ATP10B: variants seen among roughly 807,000 people sequenced by gnomAD.
ATP10B encodes ATPase phospholipid transporting 10B (putative).
Under a neutral mutation model 141.2 loss-of-function variants are expected in ATP10B, and 122 were observed. The observed-to-expected ratio is 0.86, with a 90% CI of 0.75 to 1.00. The LOEUF (loss-of-function observed/expected upper bound fraction) is 1.00, where lower values mean the gene tolerates loss of function less well. Ranked by LOEUF, ATP10B falls within the 50% of genes least tolerant of loss-of-function variation. The probability of loss-of-function intolerance (pLI) is 0.00; values close to 1 mark genes in which losing one functional copy is unlikely to be tolerated. For missense variants in ATP10B, 1,876 were observed against 1,825.3 expected (o/e 1.03, Z -0.51); for synonymous variants, 685 against 692.0 (o/e 0.99, Z 0.16).
At chr5:160,666,916 C>T (rs1018193226) in intron 7 of ATP10B, among the ~76,000 whole-genome samples, 1 of 152,164 alleles carries the variant, frequency 6.6e-6, no homozygotes, top group Non-Finnish European at 1.5e-5. Flanking sequence ...AAGTACTGAG[C>T]CTTAAAAACT....
rs199664357 is a variant in ATP10B at position 160,622,542 on chromosome 5, C to A, written c.1664G>T (p.Arg555Leu). The A allele has an allele frequency of 7.7e-5, 125 of 1,613,792 alleles. 2 individuals are homozygous for A. In the African/African-American group the frequency reaches 1.5e-3, roughly 20 times the overall value. Residue 555 changes from arginine to leucine, a missense_variant, in exon 14 of 26, where the codon CGA (arginine) becomes CTA (leucine). Transcript: ENST00000327245. ...GGTCTCCAACCACAGGGCAGCATCTCGAACCTTGGTCAGTAGGTTTTTATC... is the reference window on the plus strand; with the variant it reads ...GGTCTCCAACCACAGGGCAGCATCTAGAACCTTGGTCAGTAGGTTTTTATC... ...TPDKNLLTKV[R>L]DAALWLETLS...
upstream of ATP10B, among the ~76,000 whole-genome samples, chr5:160,856,084 A>G (rs949399604): frequency 6.6e-6 from 1 of 151,820 alleles, no homozygotes; most frequent in Non-Finnish European, 1.5e-5. Context: ...TATAAATTGT[A>G]TAATAATCTT....
chr5:160,907,075 G>A, the ATP10B span, among the ~76,000 whole-genome samples: 1 of 152,296 alleles, frequency 6.6e-6, no homozygotes, highest in African/African-American at 2.4e-5. Flanking sequence ...AAGGAAGACT[G>A]TCAAAATACC....
chr5:160,756,740 G>T (rs1451188642), intron 2 of ATP10B, among the ~76,000 whole-genome samples: 1 of 151,708 alleles, frequency 6.6e-6, no homozygotes, highest in Non-Finnish European at 1.5e-5. Flanking sequence ...TATTTATGGG[G>T]TATCTAGGAT....
chr5:160,777,083 G>C (rs993988792), intron 2 of ATP10B, among the ~76,000 whole-genome samples: 13 of 152,154 alleles, frequency 8.5e-5, no homozygotes, highest in African/African-American at 3.1e-4. Flanking sequence ...AGTTTGAGAG[G>C]GATAGGATCT....
chr5:160,870,507 C>A, the ATP10B span, among the ~76,000 whole-genome samples: 1 of 151,462 alleles, frequency 6.6e-6, no homozygotes, highest in Admixed American at 6.6e-5. Flanking sequence ...ATAACAAAAA[C>A]CTCCAAAACC....
At position 160,688,033 on chromosome 5, in the gene ATP10B, C is replaced by T; in HGVS notation, c.42G>A (p.Trp14Ter). 1 of 1,613,758 alleles carries T rather than the reference C, an allele frequency of 6.2e-7. No homozygotes were observed. The highest frequency in any genetic ancestry group is 8.5e-7 in the Non-Finnish European group (1 of 1,179,992). The change falls in exon 5 of 26, where the codon TGG becomes TGA. Residue 14 changes from tryptophan (W) to a stop codon, truncating the protein, a stop_gained. Transcript: ENST00000327245. LOFTEE classifies it high-confidence loss of function. Reference sequence around the variant, plus strand: ...AATGGGGGAAGCCATCTCTGACTCTCCACTGCCACCGATGCCACGATGAGT... The same window carrying T: ...AATGGGGGAAGCCATCTCTGACTCTTCACTGCCACCGATGCCACGATGAGT... ...SVDSSWHRWQ[W>*]RVRDGFPHCP...
At chr5:160,838,934 T>C (rs1226708054) in intron 1 of ATP10B, among the ~76,000 whole-genome samples, 2 of 152,096 alleles carry the variant, frequency 1.3e-5, no homozygotes, top group Non-Finnish European at 2.9e-5. Flanking sequence ...TCTGGTTACT[T>C]AAAAGAGTCT....
intron 7 of ATP10B, among the ~76,000 whole-genome samples, chr5:160,667,537 C>T (rs374700812): frequency 1.3e-4 from 20 of 152,114 alleles, no homozygotes; most frequent in African/African-American, 4.6e-4. Context: ...AGTAGAGAAC[C>T]CTGGAAAGCT....
intron 13 of ATP10B, 129 bp from the exon 14 acceptor site, chr5:160,622,714 C>G: frequency 2.3e-6 from 2 of 871,238 alleles, no homozygotes; most frequent in Non-Finnish European, 3.5e-6. Context: ...TTTCCTCTCC[C>G]ACAGGTCTGG....
At chr5:160,596,872 C>T (rs1641885297) in intron 22 of ATP10B, among the ~76,000 whole-genome samples, 1 of 152,098 alleles carries the variant, frequency 6.6e-6, no homozygotes, top group Non-Finnish European at 1.5e-5. Flanking sequence ...AACTACAAAC[C>T]ACTGCTCAAT....
chr5:160,612,857 C>T lies in ATP10B; in HGVS notation c.2722G>A (p.Gly908Arg), dbSNP rs1757795838. The T allele has an allele frequency of 6.2e-7, 1 of 1,614,086 alleles. No individual in the cohort carries two copies. Among genetic ancestry groups the T allele is most frequent in the Non-Finnish European group, 8.5e-7 (1 of 1,179,992 alleles). Residue 908 changes from glycine (G) to arginine (R), a missense_variant, in exon 18 of 26, where the codon GGG (glycine) becomes AGG (arginine). Gly to Arg is a moderately radical substitution (Grantham distance 125). Coordinates refer to ENST00000327245, the MANE Select transcript of ATP10B (RefSeq NM_025153.3). ...PDTIATLREA[G>R]IQLWVLTGDK... ...CCAGTCAGGACCCAGAGCTGGATCC[C>T]AGCCTCCCGCAGAGTGGCAATCGTA...
chr5:160,574,626 G>A (rs1755076308), intron 24 of ATP10B, among the ~76,000 whole-genome samples: 1 of 152,136 alleles, frequency 6.6e-6, no homozygotes. Context: ...ATAGTATTAA[G>A]AGGAGGGGCC....
chr5:160,709,379 T>TA lies in ATP10B; in HGVS notation c.-205+7529dup, dbSNP rs374637478. 3.4e-3 allele frequency among the ~76,000 whole-genome samples: 515 copies of TA among 152,004 alleles called. 4 individuals carry two copies. The highest frequency in any genetic ancestry group is 0.012 in the African/African-American group (484 of 41,474). On this transcript the variant is annotated intron_variant, in intron 3 of 25. Transcript: ENST00000327245. ...AGGAAAAGATAACTCAATGGAAAAATAAAAAATGACACGAACAGGTTATTC... is the reference window on the plus strand; with the variant it reads ...AGGAAAAGATAACTCAATGGAAAAATAAAAAAATGACACGAACAGGTTATTC...
intron 22 of ATP10B, among the ~76,000 whole-genome samples, chr5:160,598,047 C>A (rs545046516): frequency 0.023 from 2,305 of 100,680 alleles, 165 homozygotes; most frequent in Middle Eastern, 0.11. Flanking sequence ...GGTATATACC[C>A]AAAAGACTAT....
chr5:160,879,017 C>T, the ATP10B span, among the ~76,000 whole-genome samples: 1 of 114,804 alleles, frequency 8.7e-6, no homozygotes, highest in South Asian at 3.6e-4. Flanking sequence ...ACCATTTGAC[C>T]CAGCCATCCC....
the ATP10B span, among the ~76,000 whole-genome samples, chr5:160,913,986 A>C: frequency 6.6e-6 from 1 of 152,226 alleles, no homozygotes. Context: ...GATGTGTCAT[A>C]AAATTTAATT....
chr5:160,863,409 A>G, the ATP10B span, among the ~76,000 whole-genome samples: 1 of 151,842 alleles, frequency 6.6e-6, no homozygotes, highest in Admixed American at 6.6e-5. Flanking sequence ...GGCATGTGTT[A>G]AAAAGTAACA....
At chr5:160,920,620 G>A in the ATP10B span, among the ~76,000 whole-genome samples, 1 of 152,216 alleles carries the variant, frequency 6.6e-6, no homozygotes, top group Non-Finnish European at 1.5e-5. Flanking sequence ...TCAGTGTTTT[G>A]CAACATCACT....
Sources: allele counts gnomAD v4.1 joint callset (sites outside exome capture counted in the v4.1 genomes callset), GRCh38; gene constraint gnomAD v4.1.1; transcripts MANE v1.5; gene names NCBI Gene and HGNC (gene_info 2026-07-23, HGNC 2026-07-21).